SCN11A: variants seen among roughly 807,000 people sequenced by gnomAD.
SCN11A encodes sodium channel protein type 11 subunit alpha.
A neutral mutation model predicts 162.2 loss-of-function variants in SCN11A; 122 were observed. That is an observed-to-expected ratio of 0.75 (90% CI 0.65 to 0.87). The LOEUF is 0.87. Ranked by LOEUF, SCN11A falls within the 40% of genes least tolerant of loss-of-function variation. The pLI is 0.00. For missense variants in SCN11A, 2,015 were observed against 2,181.6 expected, an observed-to-expected ratio of 0.92 and a Z score of 1.52; for synonymous variants, 758 against 751.5, an observed-to-expected ratio of 1.01 and a Z score of -0.14.
At chr3:38,933,286 GAA>G (rs1033505787) in intron 7 of SCN11A, among the ~76,000 whole-genome samples, 3 of 152,174 alleles carry the variant, frequency 2.0e-5, no homozygotes, top group African/African-American at 7.2e-5. Context: ...AAACAGAGCA[GAA>G]AAACTGGAAA....
At chr3:38,874,610 G>T (rs2065179457) in intron 23 of SCN11A, among the ~76,000 whole-genome samples, 1 of 152,112 alleles carries the variant, frequency 6.6e-6, no homozygotes. Flanking sequence ...CCAATCTAAT[G>T]AGTAAAAAGA....
intron 2 of SCN11A, among the ~76,000 whole-genome samples, chr3:38,988,570 G>A (rs760465523): frequency 3.3e-5 from 5 of 151,756 alleles, no homozygotes; most frequent in African/African-American, 9.7e-5. Context: ...GAAAGCCATC[G>A]CCTCATTTAT....
In SCN11A at chr3:38,921,120, C is replaced by T; in HGVS notation, c.848G>A (p.Cys283Tyr). 5.0e-6 allele frequency: 8 copies of T among 1,614,092 alleles called. No individual in the cohort carries two copies. The highest frequency in any genetic ancestry group is 6.8e-6 in the Non-Finnish European group (8 of 1,179,960). The change falls in exon 10 of 30, where the codon TGC (cysteine) becomes TAC (tyrosine). Residue 283 changes from cysteine to tyrosine, a missense_variant. Transcript: ENST00000302328. Reference protein sequence around the residue: ...QLFMGSLNLKCISRDCKNISN... With the variant: ...QLFMGSLNLKYISRDCKNISN... Reference sequence around the variant, plus strand: ...GATATTTTTACAGTCCCTCGAGATGCATTTCAGGTTCAGACTTCCCATGAA... The same window carrying T: ...GATATTTTTACAGTCCCTCGAGATGTATTTCAGGTTCAGACTTCCCATGAA...
chr3:38,938,810 C>T lies in SCN11A; in HGVS notation c.488+6601G>A, dbSNP rs536943297. Among the ~76,000 whole-genome samples, 186 of 151,348 alleles carry T rather than the reference C, an allele frequency of 1.2e-3. 2 individuals carry two copies. Among genetic ancestry groups the T allele is most frequent in the African/African-American group, 3.9e-3 (161 of 41,376 alleles). On this transcript the variant is annotated intron_variant, in intron 7 of 29. Coordinates refer to ENST00000302328, the MANE Select transcript of SCN11A (RefSeq NM_001349253.2). ...AACTCCCGACCTCAGGTTATCTGCC[C>T]GCCTCGGCCTCCCAAAGCGCTGGGA...
chr3:39,031,369 T>C (rs1488914822), intron 2 of SCN11A, among the ~76,000 whole-genome samples: 1 of 151,754 alleles, frequency 6.6e-6, no homozygotes, highest in Non-Finnish European at 1.5e-5. Flanking sequence ...CTACTAAAAA[T>C]ACAAAAATTA....
At chr3:38,968,038 G>A (rs2066793768) in intron 2 of SCN11A, among the ~76,000 whole-genome samples, 1 of 152,228 alleles carries the variant, frequency 6.6e-6, no homozygotes, top group Non-Finnish European at 1.5e-5. Context: ...GAACAGGGGT[G>A]TCACACAGAA....
In SCN11A at chr3:38,847,296, A is replaced by G. The variant is rs760655731; in HGVS notation, c.4774T>C (p.Phe1592Leu). 7 of 1,614,206 alleles carry G rather than the reference A, an allele frequency of 4.3e-6. No homozygotes were observed. Among genetic ancestry groups the G allele is most frequent in the Non-Finnish European group, 5.9e-6 (7 of 1,180,006 alleles). ...SYFVSYIIIS[F>L]LIVVNMYIAV... Reference sequence around the variant, plus strand: ...ATGTACATGTTGACAACAATGAGAAAGGAGATGATAATGTAACTGACAAAG... The same window carrying G: ...ATGTACATGTTGACAACAATGAGAAGGGAGATGATAATGTAACTGACAAAG... The change falls in exon 30 of 30, where the codon TTT (phenylalanine) becomes CTT (leucine). Residue 1592 changes from phenylalanine (F) to leucine (L), a missense_variant. By Grantham distance (22) the Phe-to-Leu change is conservative. Transcript: ENST00000302328.
Position 39,009,395 on chromosome 3 carries a change from C to CAT in SCN11A, c.-280+22983_-280+22984dup, listed in dbSNP as rs925224969. On this transcript the variant is annotated intron_variant, in intron 2 of 29. Coordinates refer to ENST00000302328, the MANE Select transcript of SCN11A (RefSeq NM_001349253.2). ...CCTGCTCATGCAAAAATAAAAAGTG[C>CAT]ATATATATATGTGTGTGTCTATATA... Among the ~76,000 whole-genome samples the CAT allele has an allele frequency of 6.0e-5, 9 of 150,898 alleles. No homozygotes were observed. The South Asian group carries it at 8.4e-4, about 14-fold the overall frequency.
intron 22 of SCN11A, among the ~76,000 whole-genome samples, chr3:38,881,692 C>A (rs567956715): frequency 2.0e-5 from 3 of 150,214 alleles, no homozygotes; most frequent in African/African-American, 7.3e-5. Context: ...GCTGCTGCTG[C>A]TGCTGATAGA....
chr3:38,905,800 A>G (rs866405234), intron 14 of SCN11A, among the ~76,000 whole-genome samples: 2 of 152,222 alleles, frequency 1.3e-5, no homozygotes, highest in East Asian at 3.8e-4. Context: ...AACGGTTGGT[A>G]ACTAAAAAGA....
At chr3:38,929,137 A>G (rs868849470) in intron 7 of SCN11A, among the ~76,000 whole-genome samples, 8,654 of 56,686 alleles carry the variant, frequency 0.15, 344 homozygotes, top group Non-Finnish European at 0.21. Context: ...CTGTGCACGC[A>G]CACACACACA....
intron 2 of SCN11A, among the ~76,000 whole-genome samples, chr3:39,010,338 A>T (rs570117554): frequency 6.6e-6 from 1 of 152,140 alleles, no homozygotes; most frequent in South Asian, 2.1e-4. Context: ...TGAAAGCTGA[A>T]AATAGAAAAA....
intron 19 of SCN11A, among the ~76,000 whole-genome samples, chr3:38,890,004 C>A (rs2065472681): frequency 6.6e-6 from 1 of 151,380 alleles, no homozygotes; most frequent in African/African-American, 2.4e-5. Flanking sequence ...AGCTGCAGGC[C>A]ATCAGCATTT....
At chr3:38,860,959 T>TTGC (rs1178014788) in intron 28 of SCN11A, among the ~76,000 whole-genome samples, 1 of 152,150 alleles carries the variant, frequency 6.6e-6, no homozygotes, top group African/African-American at 2.4e-5. Flanking sequence ...CTATTGCTAT[T>TTGC]TGCCAAGGCT....
intron 2 of SCN11A, among the ~76,000 whole-genome samples, chr3:39,030,031 T>G (rs1354127397): frequency 6.6e-6 from 1 of 152,216 alleles, no homozygotes; most frequent in Non-Finnish European, 1.5e-5. Context: ...CAGCCCACAG[T>G]GCTTGCTGGT....
chr3:38,977,269 C>T (rs2066855137), intron 2 of SCN11A, among the ~76,000 whole-genome samples: 1 of 152,182 alleles, frequency 6.6e-6, no homozygotes, highest in African/African-American at 2.4e-5. Flanking sequence ...CTTCTCTAGC[C>T]AGTTGGCCTG....
chr3:39,033,025 C>T (rs144373667), intron 1 of SCN11A, among the ~76,000 whole-genome samples: 2,187 of 152,072 alleles, frequency 0.014, 20 homozygotes, highest in Non-Finnish European at 0.018. Flanking sequence ...TGGTGGCGGG[C>T]GCCCGTAATC....
chr3:38,908,994 T>C lies in SCN11A; in HGVS notation c.1299+3A>G. 1.2e-6 allele frequency: 2 copies of C among 1,612,586 alleles called. No individual in the cohort carries two copies. The highest frequency in any genetic ancestry group is 1.7e-6 in the Non-Finnish European group (2 of 1,179,648). On this transcript the variant is annotated splice_donor_region_variant and intron_variant, in intron 13 of 29. Coordinates refer to ENST00000302328, the MANE Select transcript of SCN11A (RefSeq NM_001349253.2). Reference sequence around the variant, plus strand: ...ATCCCACTGTCTGACCCCATGTCCCTACCTCCTTTTCCTCCTTTAACAGCT... The same window carrying C: ...ATCCCACTGTCTGACCCCATGTCCCCACCTCCTTTTCCTCCTTTAACAGCT...
chr3:38,940,976 A>G (rs4676473), intron 7 of SCN11A, among the ~76,000 whole-genome samples: 82,857 of 152,092 alleles, frequency 0.54, 25,962 homozygotes, highest in African/African-American at 0.88. Context: ...CCTGGAAGGT[A>G]AACAAAAGGA....
Sources: allele counts gnomAD v4.1 joint callset (sites outside exome capture counted in the v4.1 genomes callset), GRCh38; gene constraint gnomAD v4.1.1; transcripts MANE v1.5; gene names NCBI Gene and HGNC (gene_info 2026-07-23, HGNC 2026-07-21).